ZNF318: variants seen among roughly 807,000 people sequenced by gnomAD.
ZNF318 encodes the protein endocrine regulator.
ZNF318 carries 51 observed loss-of-function variants against 124.2 expected under a neutral mutation model. The ratio of observed to expected loss-of-function variants is 0.41; its 90% confidence interval spans 0.33 to 0.52. ZNF318 has a LOEUF of 0.52. Ranked by LOEUF, ZNF318 falls within the 20% of genes least tolerant of loss-of-function variation. The probability of loss-of-function intolerance (pLI) is 0.23; values close to 1 mark genes in which losing one functional copy is unlikely to be tolerated. For missense variants in ZNF318, 2,815 were observed against 2,811.2 expected (o/e 1.00, Z -0.03); for synonymous variants, 1,090 against 1,040.7 (o/e 1.05, Z -0.91).
rs548444291 is a variant in ZNF318 at position 43,340,269 on chromosome 6, G to T, written c.3729C>A (p.Ser1243=). The stretch of plus-strand genomic sequence containing the variant: ...TCCTTTTATTTTCAGCTTTTTCAGG[G>T]GAGTTCCTACCCTCAGAGAGTTGGT... ...LEDQLSEGRN[S]PEKAENKRNT... Residue 1243 remains serine (S), a synonymous_variant, in exon 10 of 10, where the codon TCC becomes TCA. Coordinates refer to ENST00000361428, the MANE Select transcript of ZNF318 (RefSeq NM_014345.3). 180 of 1,613,820 alleles carry T rather than the reference G, an allele frequency of 1.1e-4. No homozygotes were observed. The South Asian group carries it at 1.9e-3, about 17-fold the overall frequency.
chr6:43,344,182 T>A (rs1430812333), intron 6 of ZNF318, among the ~76,000 whole-genome samples: 3 of 152,198 alleles, frequency 2.0e-5, no homozygotes, highest in Non-Finnish European at 4.4e-5. Flanking sequence ...CTGAGTCCTA[T>A]TCAAGAATCA....
At chr6:43,353,728 T>C (rs1178784580) in intron 4 of ZNF318, among the ~76,000 whole-genome samples, 2 of 152,222 alleles carry the variant, frequency 1.3e-5, no homozygotes, top group African/African-American at 2.4e-5. Flanking sequence ...TTTATGTTTC[T>C]AAACAAAGTG....
At chr6:43,352,573 G>T in intron 4 of ZNF318, 97 bp from the exon 5 acceptor site, 1 of 1,119,332 alleles carries the variant, frequency 8.9e-7, no homozygotes, top group Non-Finnish European at 1.3e-6. Context: ...TTATCTGAAT[G>T]TAAGGATCCA....
intron 2 of ZNF318, among the ~76,000 whole-genome samples, chr6:43,359,798 C>T (rs2125737): frequency 0.46 from 70,494 of 152,024 alleles, 19,365 homozygotes; most frequent in East Asian, 0.66. Context: ...AAGAATGCCA[C>T]CTGTGGGAAT....
rs748106379 is a variant in ZNF318 at position 43,337,317 on chromosome 6, A to G, written c.6681T>C (p.Asp2227=). Residue 2227 remains aspartate, a synonymous_variant, in exon 10 of 10, where the codon GAT becomes GAC. Transcript: ENST00000361428. Reference sequence around the variant, plus strand: ...CCAAATTCAGAGGGTCGCCACTGTCATCATCTACTTGCAGAATTGCCACCT... The same window carrying G: ...CCAAATTCAGAGGGTCGCCACTGTCGTCATCTACTTGCAGAATTGCCACCT... ...TTEVAILQVD[D]DSGDPLNLVK... 2 of 1,614,192 alleles carry G rather than the reference A, an allele frequency of 1.2e-6. No homozygotes were observed. The highest frequency in any genetic ancestry group is 1.7e-6 in the Non-Finnish European group (2 of 1,180,022).
At chr6:43,363,978 C>A (rs998728986) in intron 2 of ZNF318, 2 of 687,838 alleles carry the variant, frequency 2.9e-6, no homozygotes, top group Non-Finnish European at 5.2e-6. Flanking sequence ...CAGGCTACTG[C>A]GGCTCTGTGC....
chr6:43,362,341 T>A (rs1011980326), intron 2 of ZNF318, among the ~76,000 whole-genome samples: 7 of 151,118 alleles, frequency 4.6e-5, no homozygotes, highest in African/African-American at 1.7e-4. Context: ...TAATCCCAGC[T>A]ACTCAGGAGG....
chr6:43,348,732 C>T lies in ZNF318; in HGVS notation c.2771-107G>A, dbSNP rs1050361525. ...GGCTTTATGGTTACAAAGTCTTTGC[C>T]CACAAACGTTTCTAAGAGTGGCTAG... On this transcript the variant is annotated intron_variant, in intron 5 of 9. Transcript: ENST00000361428. 6.8e-6 allele frequency: 9 copies of T among 1,333,054 alleles called. No individual in the cohort carries two copies. The Admixed American group carries it at 1.0e-4, about 15-fold the overall frequency. 82.6% of individuals were successfully genotyped at this position (1,333,054 alleles called of 1,614,324 possible).
Position 43,337,922 on chromosome 6 carries a change from T to C in ZNF318, c.6076A>G (p.Thr2026Ala), listed in dbSNP as rs1379187387. 2 of 1,614,226 alleles carry C rather than the reference T, an allele frequency of 1.2e-6. No individual in the cohort carries two copies. Among genetic ancestry groups the C allele is most frequent in the Non-Finnish European group, 1.7e-6 (2 of 1,180,040 alleles). Residue 2026 changes from threonine to alanine, a missense_variant, in exon 10 of 10, where the codon ACT (threonine) becomes GCT (alanine). Physicochemically the swap from Thr to Ala is moderately conservative, Grantham distance 58. Coordinates refer to ENST00000361428, the MANE Select transcript of ZNF318 (RefSeq NM_014345.3). ...NLGDMPVDFCTTRVSPAHRSP... is the reference protein window; with the variant it reads ...NLGDMPVDFCATRVSPAHRSP... ...CTATGTGCTGGGCTTACCCGAGTAG[T>C]GCAGAAATCAACAGGCATATCCCCC...
chr6:43,336,483 T>C lies in ZNF318; in HGVS notation c.*675A>G, dbSNP rs1293936605. Reference sequence around the variant, plus strand: ...TAAGCCTGCCAGATATTCTTCCATGTTTATTTCCAAACAGGTTTGTGGGTT... The same window carrying C: ...TAAGCCTGCCAGATATTCTTCCATGCTTATTTCCAAACAGGTTTGTGGGTT... On this transcript the variant is annotated 3_prime_UTR_variant, in exon 10 of 10. Coordinates refer to ENST00000361428, the MANE Select transcript of ZNF318 (RefSeq NM_014345.3). The C allele has an allele frequency of 6.6e-6, 1 of 152,236 alleles. No homozygotes were observed. The highest frequency in any genetic ancestry group is 1.5e-5 in the Non-Finnish European group (1 of 68,044). 9.4% of individuals were successfully genotyped at this position (152,236 alleles called of 1,614,324 possible). A position where few individuals can be genotyped will look rare whatever the true frequency, so the allele number is the denominator to read the frequency against.
In ZNF318 at chr6:43,348,406, T is replaced by C; in HGVS notation, c.2990A>G (p.Glu997Gly). Residue 997 changes from glutamate to glycine, a missense_variant, in exon 6 of 10, where the codon GAG (glutamate) becomes GGG (glycine). Glu to Gly is a moderately conservative substitution (Grantham distance 98). This residue lies in a region of ZNF318 where 1,377 missense variants were observed against 1,353.5 expected (regional missense o/e 1.02). Transcript: ENST00000361428. Reference protein sequence around the residue: ...KSQKSLSDSREPTEKPGKAEK... With the variant: ...KSQKSLSDSRGPTEKPGKAEK... ...TGCTTTCCCAGGCTTCTCTGTAGGC[T>C]CTCTACTGTCACTTAAAGACTTCTG... 1 of 1,614,200 alleles carries C rather than the reference T, an allele frequency of 6.2e-7. No homozygotes were observed. The highest frequency in any genetic ancestry group is 8.5e-7 in the Non-Finnish European group (1 of 1,180,020).
chr6:43,368,150 AAACTT>A (rs1298241345), intron 1 of ZNF318, among the ~76,000 whole-genome samples: 3 of 152,232 alleles, frequency 2.0e-5, no homozygotes, highest in African/African-American at 7.2e-5. Flanking sequence ...TTCTAAAACT[AAACTT>A]AAACTCATGC....
chr6:43,365,330 C>G lies in ZNF318; in HGVS notation c.510G>C (p.Arg170=), dbSNP rs761188295. The change falls in exon 2 of 10, where the codon CGG becomes CGC. Residue 170 remains arginine (R), a synonymous_variant. Transcript: ENST00000361428. The part of the protein sequence containing the change: ...STPERRRLSD[R]LGSPVDNLED... The stretch of plus-strand genomic sequence containing the variant: ...CCAGATTATCCACTGGTGACCCCAG[C>G]CGATCACTAAGCCGTCGCCGTTCTG... 2 of 1,614,122 alleles carry G rather than the reference C, an allele frequency of 1.2e-6. No homozygotes were observed. The highest frequency in any genetic ancestry group is 2.2e-5 in the South Asian group (2 of 91,080).
chr6:43,369,277 C>A lies in ZNF318; in HGVS notation c.89G>T (p.Gly30Val). 1 of 1,326,070 alleles carries A rather than the reference C, an allele frequency of 7.5e-7. No homozygotes were observed. The allele number at this position is 1,326,070 out of a possible 1,614,324, so 82.1% of individuals were successfully genotyped here. The change falls in exon 1 of 10, where the codon GGC (glycine) becomes GTC (valine). Residue 30 changes from glycine (G) to valine (V), a missense_variant. Coordinates refer to ENST00000361428, the MANE Select transcript of ZNF318 (RefSeq NM_014345.3). ...GGGPRSGRSSGSSSGPARRSS... is the reference protein window; with the variant it reads ...GGGPRSGRSSVSSSGPARRSS... ...GCGGCGAGCCGGGCCTGAGGAGGAG[C>A]CAGAGCTGCGGCCGCTGCGCGGGCC...
Position 43,339,932 on chromosome 6 carries a change from A to G in ZNF318, c.4066T>C (p.Ser1356Pro), listed in dbSNP as rs766085694. The G allele has an allele frequency of 6.2e-7, 1 of 1,614,100 alleles. No individual in the cohort carries two copies. The highest frequency in any genetic ancestry group is 1.1e-5 in the South Asian group (1 of 91,074). ...TKIRPNLPIPSTVLRKSCSAT... is the reference protein window; with the variant it reads ...TKIRPNLPIPPTVLRKSCSAT... ...GAACATGACTTGCGGAGTACTGTGG[A>G]TGGAATAGGCAGGTTGGGTCGGATC... The change falls in exon 10 of 10, where the codon TCC becomes CCC. Residue 1356 changes from serine (S) to proline (P), a missense_variant. Ser to Pro is a moderately conservative substitution (Grantham distance 74). Around this residue, in one of 4 missense-constraint regions of ZNF318, gnomAD observed 500 missense variants for 605.2 expected, o/e 0.83. Transcript: ENST00000361428. The surrounding 1 kb of genome is among the most constrained non-coding windows in gnomAD (Gnocchi z 4.2).
chr6:43,357,535 T>C lies in ZNF318; in HGVS notation c.779A>G (p.Tyr260Cys). The change falls in exon 3 of 10, where the codon TAC becomes TGC. Residue 260 changes from tyrosine to cysteine, a missense_variant. This residue lies in a region of ZNF318 where 1,377 missense variants were observed against 1,353.5 expected (regional missense o/e 1.02). Coordinates refer to ENST00000361428, the MANE Select transcript of ZNF318 (RefSeq NM_014345.3). ...TERNREKLKGYSIRSEERSRE... is the reference protein window; with the variant it reads ...TERNREKLKGCSIRSEERSRE... ...GCTCCTTTCTTCAGATCGTATGGAGTAGCCTTTGAGTTTTTCTCGATTCCG... is the reference window on the plus strand; with the variant it reads ...GCTCCTTTCTTCAGATCGTATGGAGCAGCCTTTGAGTTTTTCTCGATTCCG... 6.2e-7 allele frequency: 1 copy of C among 1,613,866 alleles called. No homozygotes were observed. Among genetic ancestry groups the C allele is most frequent in the African/African-American group, 1.3e-5 (1 of 74,916 alleles).
At position 43,354,673 on chromosome 6, in the gene ZNF318, C is replaced by T. The variant is rs755942134; in HGVS notation, c.2661G>A (p.Gln887=). 3 of 1,598,744 alleles carry T rather than the reference C, an allele frequency of 1.9e-6. No individual in the cohort carries two copies. In the South Asian group the frequency reaches 3.3e-5, roughly 18 times the overall value. The change falls in exon 4 of 10, where the codon CAG becomes CAA. Residue 887 remains glutamine (Q), a synonymous_variant. Coordinates refer to ENST00000361428, the MANE Select transcript of ZNF318 (RefSeq NM_014345.3). The part of the protein sequence containing the change: ...KISDEKNRAS[Q]KQKVIEEREK... ...CAAAGCTAATATTCACCTTTTGCTT[C>T]TGGGAAGCACGGTTCTTCTCATCAG... is the stretch of plus-strand genomic sequence containing the variant.
chr6:43,358,251 TTTTTG>T (rs959055378), intron 2 of ZNF318, among the ~76,000 whole-genome samples: 5 of 152,090 alleles, frequency 3.3e-5, no homozygotes, highest in African/African-American at 1.2e-4. Context: ...CAATGGGATT[TTTTTG>T]TTTTGTTTTG....
chr6:43,352,591 GCACA>G, intron 4 of ZNF318, 115 bp from the exon 5 acceptor site: 15 of 880,212 alleles, frequency 1.7e-5, no homozygotes, highest in Non-Finnish European at 2.3e-5. Context: ...CCAAATGCCT[GCACA>G]CAGGCTCTGA....
Sources: allele counts gnomAD v4.1 joint callset (sites outside exome capture counted in the v4.1 genomes callset), GRCh38; gene constraint gnomAD v4.1.1; regional missense constraint gnomAD v4.1.1; non-coding constraint Gnocchi (gnomAD v3.1); transcripts MANE v1.5; gene names NCBI Gene and HGNC (gene_info 2026-07-23, HGNC 2026-07-21).